SLC4A8: variants seen among roughly 807,000 people sequenced by gnomAD.
The protein encoded by SLC4A8 is solute carrier family 4 member 8.
In SLC4A8, 40 loss-of-function variants were observed where a neutral mutation model predicts 125.0. The ratio of observed to expected loss-of-function variants is 0.32; its 90% CI spans 0.25 to 0.42. SLC4A8 has a LOEUF of 0.42. SLC4A8 is among the 10% of genes least tolerant of loss of function. The pLI is 1.00. For synonymous variants in SLC4A8, 456 were observed against 476.0 expected (o/e 0.96, Z 0.55); for missense variants, 863 against 1,355.1 (o/e 0.64, Z 5.70).
At chr12:51,452,496 C>T (rs1009311609) in intron 4 of SLC4A8, among the ~76,000 whole-genome samples, 4 of 152,102 alleles carry the variant, frequency 2.6e-5, no homozygotes, top group Non-Finnish European at 5.9e-5. Flanking sequence ...ATGGGATATT[C>T]AGGGGGGCCC....
intron 1 of SLC4A8, among the ~76,000 whole-genome samples, chr12:51,429,584 C>T (rs7296266): frequency 0.48 from 73,394 of 151,810 alleles, 18,061 homozygotes; most frequent in Non-Finnish European, 0.53. Context: ...CTCACTGCAG[C>T]GTCGACCTCC....
chr12:51,403,616 G>A (rs1395808976), intron 1 of SLC4A8, among the ~76,000 whole-genome samples: 3 of 152,202 alleles, frequency 2.0e-5, no homozygotes, highest in African/African-American at 7.2e-5. Context: ...CATTCAGTGG[G>A]GGAGAAAGAT....
chr12:51,499,672 G>A (rs1937762476), intron 22 of SLC4A8, among the ~76,000 whole-genome samples: 2 of 137,706 alleles, frequency 1.5e-5, no homozygotes, highest in Non-Finnish European at 3.3e-5. Flanking sequence ...TATAATTTTA[G>A]GTAGTGATAT....
rs1179044009 is a variant in SLC4A8 at position 51,498,879 on chromosome 12, C to CAAAAAAA, written c.3081+1769_3081+1775dup. Among the ~76,000 whole-genome samples the CAAAAAAA allele has an allele frequency of 8.4e-5, 3 of 35,900 alleles. 1 individual carries two copies. The highest frequency in any genetic ancestry group is 1.3e-4 in the Non-Finnish European group (3 of 22,482). The allele number at this position is 35,900 out of a possible 152,430, so 23.6% of individuals were successfully genotyped here. On this transcript the variant is annotated intron_variant, in intron 22 of 24. Coordinates refer to ENST00000453097, the MANE Select transcript of SLC4A8 (RefSeq NM_001039960.3). ...TGGGTGACAGAGAGAGATCCTGTCTCAAAAAAAAAAAAAAAAAAAAGAGGC... is the reference window on the plus strand; with the variant it reads ...TGGGTGACAGAGAGAGATCCTGTCTCAAAAAAAAAAAAAAAAAAAAAAAAAAAGAGGC...
intron 2 of SLC4A8, among the ~76,000 whole-genome samples, chr12:51,445,280 C>A (rs910176333): frequency 5.3e-5 from 8 of 152,164 alleles, no homozygotes; most frequent in Non-Finnish European, 1.0e-4. Flanking sequence ...AAGTGACCTC[C>A]CACCTCAGCC....
chr12:51,439,717 G>C (rs1031873288), intron 1 of SLC4A8, among the ~76,000 whole-genome samples: 4 of 152,022 alleles, frequency 2.6e-5, no homozygotes, highest in Non-Finnish European at 5.9e-5. Flanking sequence ...TGCAAAGGAA[G>C]AAAGACTTGG....
rs576988898 is a variant in SLC4A8, at chr12:51,457,268, C to T, written c.575-83C>T. The T allele has an allele frequency of 6.5e-5, 78 of 1,201,104 alleles. No homozygotes were observed. The South Asian group carries it at 8.2e-4, about 13-fold the overall frequency. 74.4% of individuals were successfully genotyped at this position (1,201,104 alleles called of 1,614,324 possible). On this transcript the variant is annotated intron_variant, in intron 5 of 24. Coordinates refer to ENST00000453097, the MANE Select transcript of SLC4A8 (RefSeq NM_001039960.3). ...GAGCTGCTTCCCCCTACTCCATGCC[C>T]TTTACCCCACTCCACCTGATGTTGG...
chr12:51,415,213 TG>T (rs1201671197), intron 1 of SLC4A8, among the ~76,000 whole-genome samples: 3 of 152,228 alleles, frequency 2.0e-5, no homozygotes, highest in African/African-American at 4.8e-5. Flanking sequence ...CAATTACTTT[TG>T]CACCAACCTA....
chr12:51,413,006 A>G (rs1948622441), intron 1 of SLC4A8, among the ~76,000 whole-genome samples: 1 of 152,180 alleles, frequency 6.6e-6, no homozygotes, highest in African/African-American at 2.4e-5. Context: ...GTTTTCCATA[A>G]TGTCTGTAAT....
chr12:51,437,642 A>G (rs1949462359), intron 1 of SLC4A8, among the ~76,000 whole-genome samples: 1 of 152,242 alleles, frequency 6.6e-6, no homozygotes, highest in Non-Finnish European at 1.5e-5. Context: ...AGCCTGCAGA[A>G]CTGTGAGCCA....
intron 4 of SLC4A8, among the ~76,000 whole-genome samples, chr12:51,452,490 G>C (rs1430727938): frequency 6.6e-6 from 1 of 152,178 alleles, no homozygotes; most frequent in Non-Finnish European, 1.5e-5. Flanking sequence ...AATAACATGG[G>C]ATATTCAGGG....
chr12:51,457,630 T>G (rs1565790530), intron 6 of SLC4A8, 91 bp downstream of exon 6: 2 of 1,193,724 alleles, frequency 1.7e-6, no homozygotes, highest in Non-Finnish European at 2.4e-6. Context: ...GGGCTGTATT[T>G]GTCTAATATG....
intron 13 of SLC4A8, among the ~76,000 whole-genome samples, 186 bp downstream of exon 13, chr12:51,470,711 C>G (rs372796511): frequency 1.5e-4 from 23 of 152,262 alleles, no homozygotes; most frequent in African/African-American, 5.3e-4. Context: ...TAGCAGATCT[C>G]CTATTGTTAA....
intron 20 of SLC4A8, chr12:51,494,575 TAATC>T (rs1951412642): frequency 1.3e-5 from 2 of 159,614 alleles, no homozygotes; most frequent in South Asian, 2.0e-4. Flanking sequence ...TCACTATAAA[TAATC>T]AATGAATGGC....
chr12:51,464,301 A>G (rs1355565368), intron 11 of SLC4A8, among the ~76,000 whole-genome samples: 1 of 152,210 alleles, frequency 6.6e-6, no homozygotes, highest in African/African-American at 2.4e-5. Flanking sequence ...TTTTAGAATA[A>G]TGTCTGTTCT....
intron 5 of SLC4A8, among the ~76,000 whole-genome samples, chr12:51,454,310 C>T (rs1210570557): frequency 6.6e-6 from 1 of 152,096 alleles, no homozygotes; most frequent in East Asian, 1.9e-4. Flanking sequence ...TGCCCCTACA[C>T]ACCTGTGGGT....
chr12:51,497,137 G>T lies in SLC4A8; in HGVS notation c.3081+13G>T. On this transcript the variant is annotated intron_variant, in intron 22 of 24. Transcript: ENST00000453097. ...CAAGGAGGAAGAGGTCATAGTCCTT[G>T]CACCAACTGTATACCTGGGGGCCTC... 3 of 1,603,214 alleles carry T rather than the reference G, an allele frequency of 1.9e-6. No homozygotes were observed. The highest frequency in any genetic ancestry group is 2.5e-6 in the Non-Finnish European group (3 of 1,177,166).
At chr12:51,493,433 T>A (rs1369008670) in intron 19 of SLC4A8, among the ~76,000 whole-genome samples, 2 of 151,958 alleles carry the variant, frequency 1.3e-5, no homozygotes, top group African/African-American at 2.4e-5. Context: ...TGTGTGCCCA[T>A]CCCCATGGAG....
chr12:51,437,585 C>G (rs1030199804), intron 1 of SLC4A8, among the ~76,000 whole-genome samples: 1 of 152,154 alleles, frequency 6.6e-6, no homozygotes, highest in Non-Finnish European at 1.5e-5. Context: ...TTGTGAGCTT[C>G]CTGACTCTCT....
Sources: allele counts gnomAD v4.1 joint callset (sites outside exome capture counted in the v4.1 genomes callset), GRCh38; gene constraint gnomAD v4.1.1; transcripts MANE v1.5; gene names NCBI Gene and HGNC (gene_info 2026-07-23, HGNC 2026-07-21).